The following ZZZ3 variants were observed in gnomAD, a reference collection of about 807,000 sequenced individuals.
ZZZ3 encodes zinc finger ZZ-type containing 3.
In ZZZ3, 22 loss-of-function variants were observed where a neutral mutation model predicts 95.2. The observed-to-expected ratio is 0.23, with a 90% CI of 0.17 to 0.33. The LOEUF (loss-of-function observed/expected upper bound fraction) is 0.33, where lower values mean the gene tolerates loss of function less well. Ranked by LOEUF, ZZZ3 falls within the 10% of genes least tolerant of loss-of-function variation. ZZZ3 has a pLI of 1.00. For synonymous variants in ZZZ3, 335 were observed against 358.9 expected, an observed-to-expected ratio of 0.93 and a Z score of 0.75; for missense variants, 885 against 1,066.5, an observed-to-expected ratio of 0.83 and a Z score of 2.37.
intron 4 of ZZZ3, among the ~76,000 whole-genome samples, chr1:77,638,835 G>A (rs1052060687): frequency 3.3e-5 from 5 of 152,150 alleles, no homozygotes; most frequent in Admixed American, 1.3e-4. Context: ...TTGAGGCCAT[G>A]TTTGTCATAT....
intron 5 of ZZZ3, among the ~76,000 whole-genome samples, chr1:77,589,456 A>G (rs1388378292): frequency 7.2e-6 from 1 of 138,392 alleles, no homozygotes; most frequent in African/African-American, 2.7e-5. Flanking sequence ...TTATTTATTT[A>G]TTTGATGGAG....
chr1:77,669,807 G>C (rs1452786789), intron 1 of ZZZ3, among the ~76,000 whole-genome samples: 2 of 151,832 alleles, frequency 1.3e-5, no homozygotes, highest in Admixed American at 6.6e-5. Flanking sequence ...AAGTCTATAG[G>C]TTGGTTTTAT....
chr1:77,597,529 T>A (rs890356256), intron 5 of ZZZ3, among the ~76,000 whole-genome samples: 1 of 152,086 alleles, frequency 6.6e-6, no homozygotes, highest in African/African-American at 2.4e-5. Flanking sequence ...AGCTGGGTGA[T>A]TAAAGTCACA....
intron 5 of ZZZ3, among the ~76,000 whole-genome samples, chr1:77,603,177 G>A (rs1054264412): frequency 6.6e-6 from 1 of 151,944 alleles, no homozygotes; most frequent in Non-Finnish European, 1.5e-5. Context: ...CTCCTGGGCT[G>A]AATCAATCCT....
In ZZZ3 at chr1:77,562,438, T is replaced by C. The variant is rs978714836; in HGVS notation, c.*3202A>G. 1 of 152,224 alleles carries C rather than the reference T, an allele frequency of 6.6e-6. No homozygotes were observed. The highest frequency in any genetic ancestry group is 2.4e-5 in the African/African-American group (1 of 41,462). The allele number at this position is 152,224 out of a possible 1,614,324, so 9.4% of individuals were successfully genotyped here. A position where few individuals can be genotyped will look rare whatever the true frequency, so the allele number is the denominator to read the frequency against. Reference sequence around the variant, plus strand: ...ATATCCACAATAAGAAATAGTTTTATATAGCACACAACACATATTTATGAT... The same window carrying C: ...ATATCCACAATAAGAAATAGTTTTACATAGCACACAACACATATTTATGAT... On this transcript the variant is annotated 3_prime_UTR_variant, in exon 15 of 15. Transcript: ENST00000370801.
intron 5 of ZZZ3, among the ~76,000 whole-genome samples, chr1:77,599,656 G>C (rs573561649): frequency 4.0e-5 from 6 of 151,838 alleles, no homozygotes; most frequent in African/African-American, 1.5e-4. Flanking sequence ...ACAGCAGAAC[G>C]AGTAAAAAAA....
intron 5 of ZZZ3, among the ~76,000 whole-genome samples, chr1:77,617,727 T>C (rs1395141372): frequency 6.7e-6 from 1 of 148,472 alleles, no homozygotes; most frequent in Admixed American, 6.8e-5. Context: ...TCATTTGAGG[T>C]CAGGCATTGG....
chr1:77,662,888 C>T (rs569008314), intron 1 of ZZZ3, among the ~76,000 whole-genome samples: 5 of 152,264 alleles, frequency 3.3e-5, no homozygotes, highest in South Asian at 2.1e-4. Context: ...GAGGATCCCT[C>T]GATCTCAGGA....
At chr1:77,657,208 C>T (rs571997328) in intron 1 of ZZZ3, among the ~76,000 whole-genome samples, 8 of 152,304 alleles carry the variant, frequency 5.3e-5, no homozygotes, top group African/African-American at 1.9e-4. Flanking sequence ...TTTCTAACTC[C>T]TGGCATCAAG....
chr1:77,635,896 ACT>A (rs924758496), intron 4 of ZZZ3, among the ~76,000 whole-genome samples: 70 of 152,218 alleles, frequency 4.6e-4, no homozygotes, highest in African/African-American at 1.7e-3. Context: ...ACAGAGCGAG[ACT>A]CTGTCTCAAA....
At chr1:77,636,983 C>T (rs893192814) in intron 4 of ZZZ3, among the ~76,000 whole-genome samples, 2 of 152,076 alleles carry the variant, frequency 1.3e-5, no homozygotes, top group Non-Finnish European at 2.9e-5. Context: ...AACAAGGATC[C>T]TTGTGGTACC....
intron 5 of ZZZ3, among the ~76,000 whole-genome samples, chr1:77,614,262 T>C (rs970302861): frequency 6.6e-6 from 1 of 152,200 alleles, no homozygotes; most frequent in Non-Finnish European, 1.5e-5. Flanking sequence ...AAGCCGACTC[T>C]AGTGGAACAG....
At chr1:77,572,625 A>G (rs1661511311) in intron 12 of ZZZ3, among the ~76,000 whole-genome samples, 1 of 151,596 alleles carries the variant, frequency 6.6e-6, no homozygotes, top group Non-Finnish European at 1.5e-5. Flanking sequence ...GGTGTGAGAC[A>G]CTGCGCCCGG....
chr1:77,677,265 G>C (rs1033178072), intron 1 of ZZZ3: 1 of 152,290 alleles, frequency 6.6e-6, no homozygotes, highest in Non-Finnish European at 1.5e-5. Flanking sequence ...TTGAACCCGG[G>C]GGGTAGAGGC....
At chr1:77,661,341 A>G (rs1324586998) in intron 1 of ZZZ3, among the ~76,000 whole-genome samples, 1 of 152,202 alleles carries the variant, frequency 6.6e-6, no homozygotes. Flanking sequence ...TGAGCCCAGG[A>G]GTCCGAGGCT....
chr1:77,681,267 T>C (rs76632482), intron 1 of ZZZ3, among the ~76,000 whole-genome samples: 49 of 152,288 alleles, frequency 3.2e-4, no homozygotes, highest in African/African-American at 1.2e-3. Flanking sequence ...AAACAAGCAC[T>C]GTGTTACTCT....
intron 5 of ZZZ3, among the ~76,000 whole-genome samples, chr1:77,627,073 A>G (rs1337518124): frequency 6.6e-6 from 1 of 152,190 alleles, no homozygotes; most frequent in Non-Finnish European, 1.5e-5. Flanking sequence ...GATCTGCTCC[A>G]TGAGGGTTCT....
intron 5 of ZZZ3, among the ~76,000 whole-genome samples, chr1:77,603,945 C>T (rs541843579): frequency 6.6e-6 from 1 of 152,170 alleles, no homozygotes; most frequent in Admixed American, 6.5e-5. Context: ...AGGAGGATTA[C>T]TTGATGCTTG....
At chr1:77,620,842 G>A (rs544316336) in intron 5 of ZZZ3, among the ~76,000 whole-genome samples, 18 of 152,296 alleles carry the variant, frequency 1.2e-4, no homozygotes, top group Middle Eastern at 3.4e-3. Flanking sequence ...ACAGCAGTGA[G>A]TGGGAACACC....
Sources: gnomAD v4.1 joint callset for allele counts (sites outside exome capture counted in the v4.1 genomes callset) on GRCh38, gnomAD v4.1.1 for gene constraint, MANE v1.5 for transcripts, NCBI Gene and HGNC (gene_info 2026-07-23, HGNC 2026-07-21) for gene names.